The following AOAH variants were observed in gnomAD, a reference collection of about 807,000 sequenced individuals.
The protein encoded by AOAH is acyloxyacyl hydrolase.
A neutral mutation model predicts 92.2 loss-of-function variants in AOAH; 64 were observed. The observed-to-expected ratio is 0.69, with a 90% CI of 0.57 to 0.86. The LOEUF is 0.86. AOAH is among the 40% of genes least tolerant of loss of function. AOAH has a pLI of 0.00. For missense variants in AOAH, 656 were observed against 694.6 expected, an observed-to-expected ratio of 0.94 and a Z score of 0.62; for synonymous variants, 263 against 254.5, an observed-to-expected ratio of 1.03 and a Z score of -0.32.
At chr7:36,621,331 A>G (rs574924514) in intron 8 of AOAH, among the ~76,000 whole-genome samples, 2 of 152,336 alleles carry the variant, frequency 1.3e-5, no homozygotes, top group East Asian at 3.9e-4. Context: ...TCCCGGAGGG[A>G]GAGGCCACTA....
intron 15 of AOAH, among the ~76,000 whole-genome samples, chr7:36,547,931 A>G (rs997257101): frequency 1.3e-5 from 2 of 152,128 alleles, no homozygotes; most frequent in Middle Eastern, 6.3e-3. Flanking sequence ...TCTCTTCCAC[A>G]TGAGGAAGTA....
At chr7:36,657,561 T>C (rs1270493241) in intron 4 of AOAH, among the ~76,000 whole-genome samples, 2 of 152,118 alleles carry the variant, frequency 1.3e-5, no homozygotes, top group Non-Finnish European at 2.9e-5. Flanking sequence ...TCTGCAGAGA[T>C]AGAGGCTGGA....
At chr7:36,559,691 T>C (rs1290112200) in intron 13 of AOAH, among the ~76,000 whole-genome samples, 2 of 152,182 alleles carry the variant, frequency 1.3e-5, no homozygotes, top group Non-Finnish European at 2.9e-5. Flanking sequence ...TTGTAGGTTG[T>C]CTGTTTACTC....
At chr7:36,715,650 G>A (rs1358885329) in intron 1 of AOAH, among the ~76,000 whole-genome samples, 2 of 145,404 alleles carry the variant, frequency 1.4e-5, no homozygotes, top group Non-Finnish European at 3.0e-5. Context: ...GAACGGAACA[G>A]AGCCCTCAGA....
At chr7:36,523,936 A>G (rs1320842534) in intron 19 of AOAH, among the ~76,000 whole-genome samples, 1 of 151,936 alleles carries the variant, frequency 6.6e-6, no homozygotes, top group African/African-American at 2.4e-5. Context: ...TTGTCCTTTT[A>G]TGGTCTTTGT....
At chr7:36,531,863 T>TGC (rs1784712513) in intron 18 of AOAH, among the ~76,000 whole-genome samples, 2 of 151,468 alleles carry the variant, frequency 1.3e-5, no homozygotes, top group African/African-American at 2.4e-5. Context: ...TGTGTGTGTG[T>TGC]ATGTGTGCGT....
intron 1 of AOAH, among the ~76,000 whole-genome samples, chr7:36,719,305 C>T (rs1468585809): frequency 6.6e-6 from 1 of 152,168 alleles, no homozygotes; most frequent in Non-Finnish European, 1.5e-5. Context: ...TTTCTCCAGG[C>T]ATCACTCCAA....
intron 11 of AOAH, among the ~76,000 whole-genome samples, chr7:36,603,777 C>T (rs986827235): frequency 6.6e-6 from 1 of 152,192 alleles, no homozygotes; most frequent in Non-Finnish European, 1.5e-5. Context: ...TGTATCTGGG[C>T]TCCATGTTTA....
In AOAH at chr7:36,632,048, T is replaced by C; in HGVS notation, c.509A>G (p.Gln170Arg). ...CSLPVLAKIC[Q>R]KIKLAMEQSV... ...ATTGTATACATACAATTTAATTTTC[T>C]GGCAGATCTTGGCCAAAACCGGGAG... Residue 170 changes from glutamine to arginine, a missense_variant, in exon 6 of 21, where the codon CAG (glutamine) becomes CGG (arginine). Transcript: ENST00000617537. The C allele has an allele frequency of 6.2e-7, 1 of 1,612,236 alleles. No individual in the cohort carries two copies. Among genetic ancestry groups the C allele is most frequent in the Non-Finnish European group, 8.5e-7 (1 of 1,178,918 alleles).
At chr7:36,557,284 C>A (rs1359065583) in intron 13 of AOAH, among the ~76,000 whole-genome samples, 4 of 152,136 alleles carry the variant, frequency 2.6e-5, no homozygotes, top group East Asian at 1.9e-4. Flanking sequence ...GTTGAAAATT[C>A]TTTTCTTTAA....
At chr7:36,612,644 C>T (rs1791546045) in intron 11 of AOAH, among the ~76,000 whole-genome samples, 1 of 152,194 alleles carries the variant, frequency 6.6e-6, no homozygotes, top group African/African-American at 2.4e-5. Context: ...TTGCCTTATA[C>T]ATGTTGCCAG....
chr7:36,653,052 A>C (rs1029072534), intron 4 of AOAH, among the ~76,000 whole-genome samples: 2 of 152,240 alleles, frequency 1.3e-5, no homozygotes, highest in African/African-American at 4.8e-5. Flanking sequence ...TTGGGTGAAC[A>C]GTATACTCTC....
At chr7:36,677,973 A>T (rs1028599445) in intron 2 of AOAH, among the ~76,000 whole-genome samples, 27 of 152,290 alleles carry the variant, frequency 1.8e-4, no homozygotes, top group African/African-American at 6.3e-4. Flanking sequence ...GGCGGATGCT[A>T]AAAGGCATGT....
In AOAH at chr7:36,657,984, G is replaced by A. The variant is rs183494240; in HGVS notation, c.390+1182C>T. Among the ~76,000 whole-genome samples, 480 of 152,120 alleles carry A rather than the reference G, an allele frequency of 3.2e-3. 1 individual carries two copies. Among genetic ancestry groups the A allele is most frequent in the African/African-American group, 0.011 (451 of 41,492 alleles). On this transcript the variant is annotated intron_variant, in intron 4 of 20. Transcript: ENST00000617537. ...CTACACAGAGACCCATTTCTTCCTTGCAATATCAAACAGAAAATATTATGA... is the reference window on the plus strand; with the variant it reads ...CTACACAGAGACCCATTTCTTCCTTACAATATCAAACAGAAAATATTATGA...
At chr7:36,554,124 G>A (rs1275611007) in intron 13 of AOAH, among the ~76,000 whole-genome samples, 6 of 152,160 alleles carry the variant, frequency 3.9e-5, no homozygotes, top group South Asian at 2.1e-4. Context: ...TAGGTCTAAT[G>A]TTTAAGTCTT....
Position 36,537,803 on chromosome 7 carries a change from G to A in AOAH, c.1306+2516C>T, listed in dbSNP as rs187867806. Among the ~76,000 whole-genome samples the A allele has an allele frequency of 4.4e-3, 664 of 151,712 alleles. 4 individuals carry two copies. The highest frequency in any genetic ancestry group is 0.015 in the African/African-American group (613 of 41,378). On this transcript the variant is annotated intron_variant, in intron 16 of 20. Transcript: ENST00000617537. The stretch of plus-strand genomic sequence containing the variant: ...CTCCCAAAGTGCTGAGATTACAGGC[G>A]TGAGCCACTGCACCCAGCCTAGTTG...
At position 36,690,264 on chromosome 7, in the gene AOAH, C is replaced by T. The variant is rs990524734; in HGVS notation, c.128-3470G>A. 40 of 429,304 alleles carry T rather than the reference C, an allele frequency of 9.3e-5. No homozygotes were observed. In the East Asian group the frequency reaches 1.8e-3, roughly 19 times the overall value. The allele number at this position is 429,304 out of a possible 1,614,324, so 26.6% of individuals were successfully genotyped here. Reference sequence around the variant, plus strand: ...AACACTGGGTGAGTCTTACCGCTATCGTCACTTTGCCCAGTGAAGAGTTAT... The same window carrying T: ...AACACTGGGTGAGTCTTACCGCTATTGTCACTTTGCCCAGTGAAGAGTTAT... On this transcript the variant is annotated intron_variant, in intron 1 of 20. Transcript: ENST00000617537.
At chr7:36,681,832 C>A (rs1796665008) in intron 2 of AOAH, among the ~76,000 whole-genome samples, 1 of 151,980 alleles carries the variant, frequency 6.6e-6, no homozygotes. Context: ...ATAAGAGTAC[C>A]TGAATAGCAA....
intron 20 of AOAH, among the ~76,000 whole-genome samples, chr7:36,518,333 G>A (rs917071224): frequency 6.6e-5 from 10 of 151,974 alleles, no homozygotes; most frequent in Non-Finnish European, 2.9e-5. Context: ...TCAGCCTCCT[G>A]AGTAGCTGGG....
Sources: allele counts gnomAD v4.1 joint callset (sites outside exome capture counted in the v4.1 genomes callset), GRCh38; gene constraint gnomAD v4.1.1; transcripts MANE v1.5; gene names NCBI Gene and HGNC (gene_info 2026-07-23, HGNC 2026-07-21).